STARD13: variants seen among roughly 807,000 people sequenced by gnomAD.
The protein encoded by STARD13 is stAR-related lipid transfer protein 13.
A neutral mutation model predicts 106.4 loss-of-function variants in STARD13; 62 were observed. That is an observed-to-expected ratio of 0.58 (90% confidence interval 0.48 to 0.72). The LOEUF is 0.72. STARD13 is among the 30% of genes least tolerant of loss of function. The probability of loss-of-function intolerance (pLI) is 0.00; values close to 1 mark genes in which losing one functional copy is unlikely to be tolerated. For missense variants in STARD13, 1,387 were observed against 1,424.0 expected (o/e 0.97, Z 0.42); for synonymous variants, 565 against 553.0 (o/e 1.02, Z -0.31).
chr13:33,313,313 A>G (rs1279954836), intron 1 of STARD13, among the ~76,000 whole-genome samples: 1 of 152,192 alleles, frequency 6.6e-6, no homozygotes, highest in Non-Finnish European at 1.5e-5. Flanking sequence ...TATTAATTAA[A>G]AATTAACAGG....
chr13:33,538,675 G>T, the STARD13 span, among the ~76,000 whole-genome samples: 1,910 of 148,502 alleles, frequency 0.013, 36 homozygotes, highest in African/African-American at 0.045. Context: ...ATTTCATAAA[G>T]AATTTCTGGG....
chr13:33,626,142 C>T, the STARD13 span, among the ~76,000 whole-genome samples: 2 of 152,204 alleles, frequency 1.3e-5, no homozygotes, highest in African/African-American at 4.8e-5. Flanking sequence ...CACACACACA[C>T]ACATCTGCAC....
chr13:33,149,681 G>A (rs1019133683), intron 3 of STARD13, among the ~76,000 whole-genome samples: 1 of 152,194 alleles, frequency 6.6e-6, no homozygotes, highest in African/African-American at 2.4e-5. Context: ...CTGTGATTTA[G>A]CTTACACAAG....
intron 1 of STARD13, among the ~76,000 whole-genome samples, chr13:33,281,889 T>C (rs1417542087): frequency 6.6e-6 from 1 of 152,182 alleles, no homozygotes; most frequent in Non-Finnish European, 1.5e-5. Context: ...AAAAGAGTTC[T>C]GGAGATGGAT....
exon 1 of STARD13, chr13:33,350,486 G>A (rs996651502): frequency 5.7e-5 from 85 of 1,483,804 alleles, no homozygotes; most frequent in Non-Finnish European, 6.8e-5. Flanking sequence ...TCAGACTCCC[G>A]GCGACTGGAA....
At chr13:33,214,287 G>T (rs115293771) in intron 1 of STARD13, among the ~76,000 whole-genome samples, 74 of 152,178 alleles carry the variant, frequency 4.9e-4, no homozygotes, top group African/African-American at 1.7e-3. Context: ...TTACATGACT[G>T]GGTTGAAATA....
chr13:33,606,174 A>G, the STARD13 span, among the ~76,000 whole-genome samples: 1 of 152,100 alleles, frequency 6.6e-6, no homozygotes, highest in African/African-American at 2.4e-5. Context: ...AGTGGCAGGT[A>G]TCTGTAATCC....
intron 1 of STARD13, among the ~76,000 whole-genome samples, chr13:33,215,852 A>C (rs1888009387): frequency 6.6e-6 from 1 of 152,194 alleles, no homozygotes; most frequent in Non-Finnish European, 1.5e-5. Flanking sequence ...CAACAAACTC[A>C]AACAAGTTAG....
At chr13:33,403,301 TGAGAG>T in the STARD13 span, among the ~76,000 whole-genome samples, 1 of 152,232 alleles carries the variant, frequency 6.6e-6, no homozygotes, top group East Asian at 1.9e-4. Context: ...TTGTGAGCTG[TGAGAG>T]TTCAAAACAC....
At chr13:33,228,534 C>A (rs780937674) in intron 1 of STARD13, among the ~76,000 whole-genome samples, 13 of 151,794 alleles carry the variant, frequency 8.6e-5, no homozygotes, top group East Asian at 3.9e-4. Context: ...GGACAACAGG[C>A]GACAGTGGAC....
the STARD13 span, chr13:33,676,753 G>A: frequency 6.6e-6 from 1 of 152,162 alleles, no homozygotes; most frequent in Non-Finnish European, 1.5e-5. Context: ...TTTCTTGCAT[G>A]AAAGTCTCAT....
At chr13:33,187,937 G>A (rs188768484) in intron 1 of STARD13, among the ~76,000 whole-genome samples, 1 of 152,162 alleles carries the variant, frequency 6.6e-6, no homozygotes, top group East Asian at 1.9e-4. Context: ...GCCCACCTCG[G>A]CCCTCCCAAA....
Position 33,142,291 on chromosome 13 carries a change from T to A in STARD13, c.387+19A>T, listed in dbSNP as rs1709085313. ...ATTCACTGGCATAGCCACATTCTTA[T>A]TAAGGTGTGGGCACCTACCTTTTTC... On this transcript the variant is annotated intron_variant, in intron 4 of 13. Transcript: ENST00000336934. The A allele has an allele frequency of 6.2e-7, 1 of 1,603,062 alleles. No individual in the cohort carries two copies. The highest frequency in any genetic ancestry group is 1.7e-4 in the Middle Eastern group (1 of 6,044).
At chr13:33,507,634 T>C in the STARD13 span, among the ~76,000 whole-genome samples, 4 of 152,210 alleles carry the variant, frequency 2.6e-5, no homozygotes, top group Non-Finnish European at 5.9e-5. Flanking sequence ...CCCAACACTG[T>C]CAAAAATCCA....
chr13:33,250,518 C>A (rs1203536282), intron 1 of STARD13, among the ~76,000 whole-genome samples: 2 of 152,190 alleles, frequency 1.3e-5, no homozygotes, highest in African/African-American at 4.8e-5. Context: ...ATTCTGGAAC[C>A]CATGCTGGTA....
chr13:33,505,997 AC>A, the STARD13 span, among the ~76,000 whole-genome samples: 1 of 152,038 alleles, frequency 6.6e-6, no homozygotes, highest in Non-Finnish European at 1.5e-5. Flanking sequence ...GCTGGGTAAA[AC>A]CGTTGGTGTC....
intron 1 of STARD13, among the ~76,000 whole-genome samples, chr13:33,331,526 ATT>A (rs35827468): frequency 0.041 from 5,337 of 130,756 alleles, 213 homozygotes; most frequent in African/African-American, 0.11. Flanking sequence ...CTGATTTTGT[ATT>A]TTTTTTTTTT....
chr13:33,299,524 A>T (rs1374918850), intron 1 of STARD13, among the ~76,000 whole-genome samples: 1 of 152,242 alleles, frequency 6.6e-6, no homozygotes, highest in Admixed American at 6.5e-5. Flanking sequence ...ACTTTAAAGT[A>T]AAAAAGCCAA....
the STARD13 span, among the ~76,000 whole-genome samples, chr13:33,541,943 A>T: frequency 1.3e-5 from 2 of 152,194 alleles, no homozygotes; most frequent in Non-Finnish European, 2.9e-5. Context: ...AAATGACAAA[A>T]TTTTTCTTTG....
Sources: allele counts gnomAD v4.1 joint callset (sites outside exome capture counted in the v4.1 genomes callset), GRCh38; gene constraint gnomAD v4.1.1; transcripts MANE v1.5; gene names NCBI Gene and HGNC (gene_info 2026-07-23, HGNC 2026-07-21).